C3orf70: variants seen among roughly 807,000 people sequenced by gnomAD.
The protein encoded by C3orf70 is chromosome 3 open reading frame 70.
Under a neutral mutation model 20.7 loss-of-function variants are expected in C3orf70, and 15 were observed. The observed-to-expected ratio is 0.72, with a 90% CI of 0.48 to 1.11. The LOEUF (loss-of-function observed/expected upper bound fraction) is 1.11. Among genes scored for constraint, C3orf70 ranks in the 50% most tolerant of loss-of-function variants. C3orf70 has a pLI of 0.00. For synonymous variants in C3orf70, 161 were observed against 125.7 expected (o/e 1.28, Z -1.88); for missense variants, 332 against 317.6 (o/e 1.05, Z -0.34).
chr3:185,145,132 C>T (rs1467304692), intron 1 of C3orf70, among the ~76,000 whole-genome samples: 1 of 152,208 alleles, frequency 6.6e-6, no homozygotes, highest in African/African-American at 2.4e-5. Context: ...GGCCTGTGTT[C>T]CTATACTGAT....
intron 1 of C3orf70, among the ~76,000 whole-genome samples, chr3:185,149,958 A>T (rs1478355104): frequency 6.6e-6 from 1 of 152,258 alleles, no homozygotes; most frequent in Admixed American, 6.5e-5. Flanking sequence ...TTAGAAAAGA[A>T]AATGGTAACC....
chr3:185,098,955 C>A (rs1715765857), intron 1 of C3orf70, among the ~76,000 whole-genome samples: 1 of 152,222 alleles, frequency 6.6e-6, no homozygotes, highest in Non-Finnish European at 1.5e-5. Flanking sequence ...CAGATTTGGA[C>A]TTACCAGTCT....
intron 1 of C3orf70, among the ~76,000 whole-genome samples, chr3:185,103,294 C>T (rs1341022132): frequency 3.9e-5 from 6 of 152,000 alleles, no homozygotes; most frequent in Non-Finnish European, 5.9e-5. Context: ...GACATAGGAA[C>T]GGGCAAAGAT....
intron 1 of C3orf70, among the ~76,000 whole-genome samples, chr3:185,152,263 C>T (rs568982816): frequency 6.6e-6 from 1 of 152,364 alleles, no homozygotes; most frequent in African/African-American, 2.4e-5. Context: ...CTGTCGCCAA[C>T]TCAGCTGGCT....
chr3:185,136,232 A>C (rs1388572271), intron 1 of C3orf70, among the ~76,000 whole-genome samples: 2 of 152,168 alleles, frequency 1.3e-5, no homozygotes, highest in African/African-American at 4.8e-5. Context: ...CAGATAATGA[A>C]AAAAAGGGTC....
chr3:185,120,012 A>T (rs1716259543), intron 1 of C3orf70, among the ~76,000 whole-genome samples: 1 of 150,700 alleles, frequency 6.6e-6, no homozygotes, highest in Admixed American at 6.6e-5. Flanking sequence ...ACAGAGCTAG[A>T]CTCTGTCTCA....
chr3:185,152,738 GCGCA>G lies in C3orf70; in HGVS notation c.82_85del (p.Cys28ProfsTer33). On this transcript the variant is annotated frameshift_variant, in exon 1 of 2. Transcript: ENST00000335012. LOFTEE classifies it high-confidence loss of function. ...CGGCTGGAAGTCGGGTCTGCGGGCG[GCGCA>G]ACTCCGCGCCAGGGCCTGAGCCTCA... The G allele has an allele frequency of 6.3e-7, 1 of 1,593,892 alleles. No individual in the cohort carries two copies. Among genetic ancestry groups the G allele is most frequent in the Non-Finnish European group, 8.5e-7 (1 of 1,170,904 alleles).
chr3:185,103,605 T>C (rs1163124630), intron 1 of C3orf70, among the ~76,000 whole-genome samples: 1 of 152,080 alleles, frequency 6.6e-6, no homozygotes, highest in African/African-American at 2.4e-5. Context: ...TCAACATCAC[T>C]GATCATTACA....
rs545063618 is a variant in C3orf70, at chr3:185,090,218, A to ATAAT, written c.197-6659_197-6656dup. On this transcript the variant is annotated intron_variant, in intron 1 of 1. Transcript: ENST00000335012. ...AGCACTGTATAATTACATAGCAGATATAATTCCTTGAAGATGTTTCTTTCT... is the reference window on the plus strand; with the variant it reads ...AGCACTGTATAATTACATAGCAGATATAATTAATTCCTTGAAGATGTTTCTTTCT... 1.1e-3 allele frequency among the ~76,000 whole-genome samples: 170 copies of ATAAT among 152,354 alleles called. 2 individuals carry two copies. Among genetic ancestry groups the ATAAT allele is most frequent in the African/African-American group, 4.0e-3 (165 of 41,584 alleles).
At chr3:185,084,628 A>G (rs1429116661) in intron 1 of C3orf70, among the ~76,000 whole-genome samples, 1 of 152,088 alleles carries the variant, frequency 6.6e-6, no homozygotes, top group East Asian at 1.9e-4. Context: ...GGAAGCCCAC[A>G]AGCTTATCTC....
In C3orf70 at chr3:185,087,969, T is replaced by C. The variant is rs372630227; in HGVS notation, c.197-4406A>G. ...CTCTGCTGCGCAGGCTGGAGGGCAATAGCACGATCTTGGCTCGCCGCAACC... is the reference window on the plus strand; with the variant it reads ...CTCTGCTGCGCAGGCTGGAGGGCAACAGCACGATCTTGGCTCGCCGCAACC... On this transcript the variant is annotated intron_variant, in intron 1 of 1. Coordinates refer to ENST00000335012, the MANE Select transcript of C3orf70 (RefSeq NM_001025266.3). 8.7e-5 allele frequency among the ~76,000 whole-genome samples: 13 copies of C among 150,206 alleles called. No individual in the cohort carries two copies. In the South Asian group the frequency reaches 1.7e-3, roughly 20 times the overall value.
intron 1 of C3orf70, among the ~76,000 whole-genome samples, chr3:185,091,689 CTTT>C (rs1234411321): frequency 1.4e-5 from 2 of 140,164 alleles, no homozygotes; most frequent in African/African-American, 2.6e-5. Flanking sequence ...AGCCATTTTA[CTTT>C]TTTTTTTTTG....
intron 1 of C3orf70, among the ~76,000 whole-genome samples, chr3:185,109,772 G>C (rs1486916129): frequency 6.6e-6 from 1 of 152,040 alleles, no homozygotes; most frequent in African/African-American, 2.4e-5. Flanking sequence ...CACGCTTTCT[G>C]ATCTCAGTAT....
intron 1 of C3orf70, among the ~76,000 whole-genome samples, chr3:185,138,734 GA>G (rs1391809168): frequency 3.9e-5 from 6 of 151,998 alleles, no homozygotes; most frequent in Non-Finnish European, 7.4e-5. Flanking sequence ...CAGAAAATAG[GA>G]ATAGAGGAGG....
chr3:185,105,823 G>T (rs1715923408), intron 1 of C3orf70, among the ~76,000 whole-genome samples: 1 of 152,182 alleles, frequency 6.6e-6, no homozygotes, highest in Non-Finnish European at 1.5e-5. Context: ...AGCAATCCCT[G>T]TGGTGAGTAA....
chr3:185,117,260 A>T (rs910671761), intron 1 of C3orf70, among the ~76,000 whole-genome samples: 2 of 152,168 alleles, frequency 1.3e-5, no homozygotes, highest in African/African-American at 2.4e-5. Flanking sequence ...AACATCAGTT[A>T]GTATTATTTA....
chr3:185,136,636 A>G (rs1386317095), intron 1 of C3orf70, among the ~76,000 whole-genome samples: 1 of 152,182 alleles, frequency 6.6e-6, no homozygotes, highest in East Asian at 1.9e-4. Flanking sequence ...AGGCAGGAGA[A>G]TGGCGTGAAC....
At chr3:185,103,252 C>A (rs1299864826) in intron 1 of C3orf70, among the ~76,000 whole-genome samples, 1 of 152,022 alleles carries the variant, frequency 6.6e-6, no homozygotes, top group African/African-American at 2.4e-5. Flanking sequence ...CTCAAACAAA[C>A]CCTGGAAGAC....
intron 1 of C3orf70, among the ~76,000 whole-genome samples, chr3:185,139,091 C>A (rs140052623): frequency 0.025 from 3,683 of 145,716 alleles, 75 homozygotes; most frequent in Non-Finnish European, 0.037. Context: ...GACAGTGAGA[C>A]CCTGTCTCAA....
Sources: allele counts gnomAD v4.1 joint callset (sites outside exome capture counted in the v4.1 genomes callset), GRCh38; gene constraint gnomAD v4.1.1; transcripts MANE v1.5; gene names NCBI Gene and HGNC (gene_info 2026-07-23, HGNC 2026-07-21).